Variants in MAGI2 observed in about 807,000 individuals in gnomAD.
The protein encoded by MAGI2 is membrane-associated guanylate kinase, WW and PDZ domain-containing protein 2.
In MAGI2, 35 loss-of-function variants were observed where a neutral mutation model predicts 133.3. The ratio of observed to expected loss-of-function variants is 0.26; its 90% CI spans 0.20 to 0.35. The LOEUF (loss-of-function observed/expected upper bound fraction) is 0.35, where lower values mean the gene tolerates loss of function less well. MAGI2 is among the 10% of genes least tolerant of loss of function. MAGI2 has a pLI of 1.00. For synonymous variants in MAGI2, 729 were observed against 710.6 expected (o/e 1.03, Z -0.41); for missense variants, 1,636 against 1,863.4 (o/e 0.88, Z 2.25).
At chr7:78,044,700 T>TGTGTGTGC (rs1811225246) in intron 21 of MAGI2, among the ~76,000 whole-genome samples, 2 of 88,196 alleles carry the variant, frequency 2.3e-5, no homozygotes, top group South Asian at 3.2e-4. Context: ...TGTGTGTGTG[T>TGTGTGTGC]GTGTGCACGT....
chr7:79,201,125 T>C (rs189656862), intron 1 of MAGI2, among the ~76,000 whole-genome samples: 8 of 152,080 alleles, frequency 5.3e-5, no homozygotes, highest in African/African-American at 1.7e-4. Context: ...ACAGGTATAA[T>C]TGCCATGTTT....
At chr7:79,339,775 G>A (rs1037630013) in intron 1 of MAGI2, among the ~76,000 whole-genome samples, 4 of 152,076 alleles carry the variant, frequency 2.6e-5, no homozygotes, top group African/African-American at 7.2e-5. Context: ...GTCTGGACAT[G>A]AAATCCCTGG....
At chr7:78,252,085 C>G (rs1792441734) in intron 10 of MAGI2, 1 of 147,910 alleles carries the variant, frequency 6.8e-6, no homozygotes, top group African/African-American at 2.5e-5. Context: ...CTGCAGTGAG[C>G]TATGATTGCA....
intron 3 of MAGI2, among the ~76,000 whole-genome samples, chr7:78,606,427 C>A (rs1418416122): frequency 2.0e-5 from 3 of 150,894 alleles, no homozygotes; most frequent in African/African-American, 7.3e-5. Context: ...AGCAGAGCCA[C>A]AAATATAAGA....
intron 9 of MAGI2, among the ~76,000 whole-genome samples, chr7:78,295,715 A>G (rs1797161058): frequency 6.6e-6 from 1 of 152,094 alleles, no homozygotes; most frequent in Admixed American, 6.6e-5. Context: ...ATGGATTTCA[A>G]TGTCATCTAT....
chr7:78,520,166 G>A (rs960025029), intron 4 of MAGI2, among the ~76,000 whole-genome samples: 15 of 152,074 alleles, frequency 9.9e-5, no homozygotes, highest in African/African-American at 3.4e-4. Context: ...AAGGGAGGAG[G>A]TTGTCCTCCT....
At chr7:78,495,653 G>A (rs1794022234) in intron 5 of MAGI2, among the ~76,000 whole-genome samples, 2 of 152,130 alleles carry the variant, frequency 1.3e-5, no homozygotes, top group South Asian at 4.1e-4. Flanking sequence ...TAAAGCTACT[G>A]TCAATGAGTT....
At chr7:78,873,443 C>G (rs1039502356) in intron 2 of MAGI2, among the ~76,000 whole-genome samples, 1 of 151,940 alleles carries the variant, frequency 6.6e-6, no homozygotes, top group African/African-American at 2.4e-5. Context: ...TAGCGTGAAC[C>G]CTGTTGTGAA....
chr7:78,212,185 C>T (rs1330140393), intron 10 of MAGI2, among the ~76,000 whole-genome samples: 4 of 152,168 alleles, frequency 2.6e-5, no homozygotes, highest in Admixed American at 2.6e-4. Context: ...TAATGTATCT[C>T]CTCAAATAAT....
intron 3 of MAGI2, among the ~76,000 whole-genome samples, chr7:78,614,138 A>G (rs1350126319): frequency 2.0e-5 from 3 of 151,862 alleles, no homozygotes; most frequent in African/African-American, 7.3e-5. Flanking sequence ...TATATACTGC[A>G]AACTGTGAAT....
intron 21 of MAGI2, chr7:78,025,977 A>G (rs750051060): frequency 1.3e-5 from 2 of 152,528 alleles, no homozygotes; most frequent in African/African-American, 2.4e-5. Context: ...AAATGTTCCA[A>G]TGAACCCACA....
At chr7:78,507,446 C>G (rs1006297697) in intron 4 of MAGI2, among the ~76,000 whole-genome samples, 1 of 152,102 alleles carries the variant, frequency 6.6e-6, no homozygotes, top group Non-Finnish European at 1.5e-5. Context: ...CAAGAAGGTC[C>G]AGGTTCATCT....
At chr7:78,360,215 G>A (rs1792632840) in intron 7 of MAGI2, among the ~76,000 whole-genome samples, 1 of 152,096 alleles carries the variant, frequency 6.6e-6, no homozygotes, top group Non-Finnish European at 1.5e-5. Flanking sequence ...CATCTCTTTA[G>A]GCTGAATGTG....
chr7:78,528,510 T>C (rs1443127935), intron 3 of MAGI2, among the ~76,000 whole-genome samples: 3 of 152,220 alleles, frequency 2.0e-5, no homozygotes, highest in Non-Finnish European at 2.9e-5. Context: ...AAAAGAATCA[T>C]AGTCATATAG....
chr7:78,256,211 C>T lies in MAGI2; in HGVS notation c.1779G>A (p.Met593Ile), dbSNP rs1792957954. The change falls in exon 10 of 22, where the codon ATG becomes ATA. Residue 593 changes from methionine (M) to isoleucine (I), a missense_variant. Transcript: ENST00000354212. ...PPPVHDDNVS[M>I]ASSGATQAEL... ...CAGCTTGGGTGGCCCCAGATGAAGC[C>T]ATAGACACATTGTCATCATGGACGG... 1 of 1,613,918 alleles carries T rather than the reference C, an allele frequency of 6.2e-7. No individual in the cohort carries two copies. Among genetic ancestry groups the T allele is most frequent in the Admixed American group, 1.7e-5 (1 of 59,996 alleles).
chr7:79,129,189 C>A (rs1010496629), intron 1 of MAGI2, among the ~76,000 whole-genome samples: 3 of 152,152 alleles, frequency 2.0e-5, no homozygotes, highest in Non-Finnish European at 4.4e-5. Flanking sequence ...GTGCTCAGAA[C>A]ACTTACATTA....
At chr7:78,150,772 G>C (rs1472865694) in intron 16 of MAGI2, among the ~76,000 whole-genome samples, 1 of 152,148 alleles carries the variant, frequency 6.6e-6, no homozygotes, top group Non-Finnish European at 1.5e-5. Flanking sequence ...TGATTCCCTA[G>C]TGGGGGAAAC....
At chr7:78,287,972 C>A (rs192068383) in intron 9 of MAGI2, among the ~76,000 whole-genome samples, 1 of 152,248 alleles carries the variant, frequency 6.6e-6, no homozygotes, top group South Asian at 2.1e-4. Context: ...CTAGACTTAA[C>A]AAAGGTACCC....
chr7:79,090,748 A>G (rs1816972275), intron 1 of MAGI2, among the ~76,000 whole-genome samples: 1 of 152,206 alleles, frequency 6.6e-6, no homozygotes, highest in Non-Finnish European at 1.5e-5. Context: ...CAGAAATAAA[A>G]ACTTTCTTCT....
Sources: allele counts gnomAD v4.1 joint callset (sites outside exome capture counted in the v4.1 genomes callset), GRCh38; gene constraint gnomAD v4.1.1; transcripts MANE v1.5; gene names NCBI Gene and HGNC (gene_info 2026-07-23, HGNC 2026-07-21).